Variants in RUNX1 observed in about 807,000 individuals in gnomAD.
RUNX1 encodes the protein runt-related transcription factor 1.
RUNX1 carries 19 observed loss-of-function variants against 42.8 expected under a neutral mutation model. That is an observed-to-expected ratio of 0.44 (90% CI 0.31 to 0.65). RUNX1 has a LOEUF of 0.65. Among genes scored for constraint, RUNX1 ranks in the 30% least tolerant of loss-of-function variants. The pLI is 0.07. For synonymous variants in RUNX1, 271 were observed against 289.4 expected, an observed-to-expected ratio of 0.94 and a Z score of 0.64; for missense variants, 528 against 672.0, an observed-to-expected ratio of 0.79 and a Z score of 2.37.
chr21:34,830,007 G>A (rs2057041170), intron 7 of RUNX1: 1 of 152,192 alleles, frequency 6.6e-6, no homozygotes, highest in Non-Finnish European at 1.5e-5. Context: ...TCAGAGTTTT[G>A]CAGACAGCAG....
At chr21:34,997,941 GGACC>G (rs1197740681) in intron 2 of RUNX1, among the ~76,000 whole-genome samples, 9 of 152,164 alleles carry the variant, frequency 5.9e-5, no homozygotes, top group Non-Finnish European at 1.3e-4. Context: ...TGGGGTGGAA[GGACC>G]AGGACTGGGC....
rs141332336 is a variant in RUNX1 at position 34,895,061 on chromosome 21, C to T, written c.59-2098G>A. Among the ~76,000 whole-genome samples, 257 of 152,226 alleles carry T rather than the reference C, an allele frequency of 1.7e-3. 1 individual carries two copies. Among genetic ancestry groups the T allele is most frequent in the Non-Finnish European group, 1.7e-3 (118 of 68,022 alleles). On this transcript the variant is annotated intron_variant, in intron 2 of 8. Coordinates refer to ENST00000675419, the MANE Select transcript of RUNX1 (RefSeq NM_001754.5). ...TCTCATCTTTCACTTTTATCCCCCC[C>T]GTCTCAGGGTCTAGATCAGAAAATA...
At chr21:34,796,630 G>A (rs148557288) in intron 8 of RUNX1, among the ~76,000 whole-genome samples, 8 of 152,218 alleles carry the variant, frequency 5.3e-5, no homozygotes, top group Middle Eastern at 3.4e-3. Context: ...TCAAGTCTTC[G>A]CTCTCCAGCT....
rs771246263 is a variant in RUNX1 at position 34,928,933 on chromosome 21, T to C, written c.59-35970A>G. Among the ~76,000 whole-genome samples, 3 of 140,860 alleles carry C rather than the reference T, an allele frequency of 2.1e-5. No homozygotes were observed. In the Admixed American group the frequency reaches 2.2e-4, roughly 10 times the overall value. 92.4% of individuals were successfully genotyped at this position (140,860 alleles called of 152,430 possible). ...GGGGCTCAGAAAATCCCTGAGAGTA[T>C]TGCAAGCTTATTTCTACAGATTTTT... On this transcript the variant is annotated intron_variant, in intron 2 of 8. Coordinates refer to ENST00000675419, the MANE Select transcript of RUNX1 (RefSeq NM_001754.5).
At chr21:34,858,402 C>G (rs1040049859) in intron 6 of RUNX1, among the ~76,000 whole-genome samples, 3 of 152,186 alleles carry the variant, frequency 2.0e-5, no homozygotes, top group Non-Finnish European at 2.9e-5. Context: ...TTCTCTGCAT[C>G]AGGCACACAG....
chr21:34,858,209 C>T (rs2057522153), intron 6 of RUNX1, among the ~76,000 whole-genome samples: 1 of 152,130 alleles, frequency 6.6e-6, no homozygotes, highest in Non-Finnish European at 1.5e-5. Context: ...GAGGTTGTGG[C>T]CAGGACCACA....
Position 34,792,286 on chromosome 21 carries a change from G to T in RUNX1, c.1292C>A (p.Pro431His). The change falls in exon 9 of 9, where the codon CCC becomes CAC. Residue 431 changes from proline to histidine, a missense_variant. Physicochemically the swap from Pro to His is moderately conservative, Grantham distance 77. This residue lies in a region of RUNX1 where 331 missense variants were observed against 382.5 expected (regional missense o/e 0.87). Coordinates refer to ENST00000675419, the MANE Select transcript of RUNX1 (RefSeq NM_001754.5). The surrounding 1 kb of genome is among the most constrained non-coding windows in gnomAD (Gnocchi z 6.9). ...GERSPPRILP[P>H]CTNASTGSAL... The stretch of plus-strand genomic sequence containing the variant: ...GGAGCCGGTGGAGGCGTTGGTGCAG[G>T]GCGGCAGGATGCGCGGCGGCGAGCG... The T allele has an allele frequency of 6.5e-7, 1 of 1,542,354 alleles. No individual in the cohort carries two copies.
At chr21:34,815,035 A>G (rs914138538) in intron 7 of RUNX1, among the ~76,000 whole-genome samples, 1 of 151,246 alleles carries the variant, frequency 6.6e-6, no homozygotes, top group Non-Finnish European at 1.5e-5. Flanking sequence ...GAAATGAACA[A>G]CCTTTCCAAA....
chr21:34,860,787 G>T (rs1046263764), intron 5 of RUNX1, among the ~76,000 whole-genome samples: 4 of 152,050 alleles, frequency 2.6e-5, no homozygotes, highest in Non-Finnish European at 5.9e-5. Flanking sequence ...CAAATGTCAT[G>T]CGTGTCTTAA....
chr21:35,043,602 T>G (rs1164883484), intron 2 of RUNX1, among the ~76,000 whole-genome samples: 1 of 152,222 alleles, frequency 6.6e-6, no homozygotes, highest in African/African-American at 2.4e-5. Context: ...TTCTGATGCA[T>G]GTAAAGACTT....
chr21:34,834,653 G>T, intron 6 of RUNX1, 52 bp from the exon 7 acceptor site: 1 of 1,356,612 alleles, frequency 7.4e-7, no homozygotes, highest in Non-Finnish European at 1.0e-6. Flanking sequence ...AGGAGGGAGG[G>T]AAGAGATCAG....
At chr21:34,887,827 T>C (rs1424262954) in intron 3 of RUNX1, 11 of 1,064,610 alleles carry the variant, frequency 1.0e-5, no homozygotes, top group Non-Finnish European at 1.3e-5. Context: ...TCAGCTTCAG[T>C]AGTTGGAGCA....
chr21:34,890,509 C>T (rs188237726), intron 3 of RUNX1, among the ~76,000 whole-genome samples: 21 of 152,194 alleles, frequency 1.4e-4, no homozygotes, highest in Admixed American at 1.3e-3. Flanking sequence ...TGGGGCTTGA[C>T]TCGGGCCGCT....
rs993908211 is a variant in RUNX1 at position 34,788,892 on chromosome 21, C to G, written c.*3243G>C. On this transcript the variant is annotated 3_prime_UTR_variant, in exon 9 of 9. Transcript: ENST00000675419. ...AATAAAAACCAACAAAAATAAAAAT[C>G]ATCAGGACGGAATGTCCCAAAGAAA... 4.3e-6 allele frequency: 1 copy of G among 233,172 alleles called. No homozygotes were observed. Among genetic ancestry groups the G allele is most frequent in the African/African-American group, 2.2e-5 (1 of 45,350 alleles). The allele number at this position is 233,172 out of a possible 1,614,324, so 14.4% of individuals were successfully genotyped here. A position where few individuals can be genotyped will look rare whatever the true frequency, so the allele number is the denominator to read the frequency against.
At chr21:34,890,485 G>A (rs1281857252) in intron 3 of RUNX1, among the ~76,000 whole-genome samples, 1 of 152,000 alleles carries the variant, frequency 6.6e-6, no homozygotes, top group African/African-American at 2.4e-5. Context: ...GTCTCTTCCC[G>A]AAGCCCCTGT....
At chr21:34,850,599 C>A (rs1386686761) in intron 6 of RUNX1, among the ~76,000 whole-genome samples, 1 of 152,138 alleles carries the variant, frequency 6.6e-6, no homozygotes, top group African/African-American at 2.4e-5. Flanking sequence ...TTTGATGTCA[C>A]CCACACGTGA....
chr21:35,004,076 T>C (rs943529904), intron 2 of RUNX1, among the ~76,000 whole-genome samples: 1 of 152,184 alleles, frequency 6.6e-6, no homozygotes, highest in Non-Finnish European at 1.5e-5. Flanking sequence ...CCATTTACTG[T>C]TGAGAAAATA....
At chr21:34,981,215 A>G (rs1034149799) in intron 2 of RUNX1, among the ~76,000 whole-genome samples, 6 of 152,208 alleles carry the variant, frequency 3.9e-5, no homozygotes, top group African/African-American at 1.4e-4. Context: ...TTCCACGCCA[A>G]TCTGATGTGA....
chr21:35,011,046 T>C (rs1231545718), intron 2 of RUNX1, among the ~76,000 whole-genome samples: 16 of 152,298 alleles, frequency 1.1e-4, no homozygotes, highest in Non-Finnish European at 1.5e-5. Context: ...ATGCTATAAA[T>C]AGAATGATAT....
Sources: allele counts gnomAD v4.1 joint callset (sites outside exome capture counted in the v4.1 genomes callset), GRCh38; gene constraint gnomAD v4.1.1; regional missense constraint gnomAD v4.1.1; non-coding constraint Gnocchi (gnomAD v3.1); transcripts MANE v1.5; gene names NCBI Gene and HGNC (gene_info 2026-07-23, HGNC 2026-07-21).